Variants in NBPF26 observed in about 807,000 individuals in gnomAD.
The protein encoded by NBPF26 is NBPF member 26.
NBPF26 carries 79 observed loss-of-function variants against 119.6 expected under a neutral mutation model. The ratio of observed to expected loss-of-function variants is 0.66; its 90% CI spans 0.55 to 0.80. The LOEUF is 0.80. NBPF26 is among the 30% of genes least tolerant of loss of function. The pLI is 0.00. For synonymous variants in NBPF26, 299 were observed against 457.7 expected, an observed-to-expected ratio of 0.65 and a Z score of 4.43; for missense variants, 800 against 1,198.2, an observed-to-expected ratio of 0.67 and a Z score of 4.91.
chr1:120,838,490 T>TTCTCTC (rs1385960679), intron 27 of NBPF26, among the ~76,000 whole-genome samples: 5 of 55,478 alleles, frequency 9.0e-5, no homozygotes, highest in African/African-American at 1.6e-4. Context: ...ACTGAGCTCG[T>TTCTCTC]TCTCTCTCTC....
chr1:120,809,926 T>C (rs1553270755), intron 8 of NBPF26, 43 bp downstream of exon 8: 15 of 1,536,018 alleles, frequency 9.8e-6, no homozygotes, highest in Non-Finnish European at 1.3e-5. Context: ...TGGTAACATA[T>C]GAAAATGTCT....
exon 14 of NBPF26, chr1:120,816,823 T>C (rs1652017691): frequency 4.8e-6 from 7 of 1,447,286 alleles, no homozygotes; most frequent in Non-Finnish European, 6.5e-6. Context: ...TACACATTAT[T>C]CCAGGTAGCC....
At chr1:120,724,953 AGC>A (rs1650801899) in intron 1 of NBPF26, among the ~76,000 whole-genome samples, 1 of 62,644 alleles carries the variant, frequency 1.6e-5, no homozygotes, top group East Asian at 3.3e-4. Context: ...CGAGGCGCGG[AGC>A]TCTGCTGCTG....
intron 1 of NBPF26, among the ~76,000 whole-genome samples, chr1:120,756,296 C>A: frequency 8.6e-6 from 1 of 115,716 alleles, no homozygotes; most frequent in Middle Eastern, 3.8e-3. Context: ...CAGCAGCCAA[C>A]CACAGCCAAG....
chr1:120,823,753 T>TGTGTGTGC (rs1491452532), intron 17 of NBPF26, among the ~76,000 whole-genome samples: 132 of 9,904 alleles, frequency 0.013, 33 homozygotes, highest in African/African-American at 0.084. Context: ...GAGCTCGCTC[T>TGTGTGTGC]GTGTGTGTGT....
rs1325618010 is a variant in NBPF26, at chr1:120,805,318, G to A, written c.752-238G>A. On this transcript the variant is annotated intron_variant, in intron 4 of 29. Transcript: ENST00000620612. ...CTGCAGACGGTTACCTGGCACGCTG[G>A]CCACATTCTGCCTCACTCTTATCAG... 22 of 1,030,874 alleles carry A rather than the reference G, an allele frequency of 2.1e-5. 2 individuals carry two copies. Among genetic ancestry groups the A allele is most frequent in the Admixed American group, 1.2e-4 (5 of 43,286 alleles). The allele number at this position is 1,030,874 out of a possible 1,614,324, so 63.9% of individuals were successfully genotyped here. A position where few individuals can be genotyped will look rare whatever the true frequency, so the allele number is the denominator to read the frequency against.
In NBPF26 at chr1:120,802,723, TC is replaced by T. The variant is rs1314123356; in HGVS notation, c.752-2832del. On this transcript the variant is annotated intron_variant, in intron 4 of 29. Coordinates refer to ENST00000620612, the Ensembl canonical transcript of NBPF26. ...AAGTAAGGAAGTCTTATAAACCTAT[TC>T]TAGCCACCTAACTAGAAACTCGAAA... Among the ~76,000 whole-genome samples the T allele has an allele frequency of 3.9e-4, 47 of 119,304 alleles. 16 individuals carry two copies. Among genetic ancestry groups the T allele is most frequent in the African/African-American group, 2.1e-3 (45 of 21,054 alleles). The allele number at this position is 119,304 out of a possible 152,430, so 78.3% of individuals were successfully genotyped here.
In NBPF26 at chr1:120,737,839, G is replaced by A. The variant is rs1410570097; in HGVS notation, c.73+13589G>A. Among the ~76,000 whole-genome samples, 2 of 113,356 alleles carry A rather than the reference G, an allele frequency of 1.8e-5. 1 individual carries two copies. Among genetic ancestry groups the A allele is most frequent in the Non-Finnish European group, 3.5e-5 (2 of 57,076 alleles). The allele number at this position is 113,356 out of a possible 152,430, so 74.4% of individuals were successfully genotyped here. A position where few individuals can be genotyped will look rare whatever the true frequency, so the allele number is the denominator to read the frequency against. On this transcript the variant is annotated intron_variant, in intron 1 of 29. Coordinates refer to ENST00000620612, the Ensembl canonical transcript of NBPF26. The stretch of plus-strand genomic sequence containing the variant: ...ACAGTTTGCTTCTTCTCAAGTTTTG[G>A]CAGCCTTGAACAAGTGGTTGTCAGG...
At chr1:120,752,557 TTTTTTTTTTTTTTTTTTC>T (rs1651033980) in intron 1 of NBPF26, among the ~76,000 whole-genome samples, 1 of 21,094 alleles carries the variant, frequency 4.7e-5, no homozygotes, top group Non-Finnish European at 7.3e-5. Flanking sequence ...TATATATATT[TTTTTTTTTTTTTTTTTTC>T]TTTTTTTTTT....
intron 1 of NBPF26, among the ~76,000 whole-genome samples, chr1:120,759,543 G>GA (rs1651111803): frequency 2.3e-5 from 2 of 88,526 alleles, no homozygotes; most frequent in Non-Finnish European, 4.0e-5. Context: ...TTTTACATTG[G>GA]AAAAAAGTAA....
At chr1:120,810,143 C>A (rs1362437891) in intron 8 of NBPF26, among the ~76,000 whole-genome samples, 1 of 123,028 alleles carries the variant, frequency 8.1e-6, no homozygotes, top group Non-Finnish European at 1.6e-5. Context: ...TGAACACCAG[C>A]TGCTCTCTTC....
In NBPF26 at chr1:120,729,123, G is replaced by A. The variant is rs1215844508; in HGVS notation, c.73+4873G>A. Among the ~76,000 whole-genome samples the A allele has an allele frequency of 2.0e-4, 18 of 88,092 alleles. 2 individuals are homozygous for A. Among genetic ancestry groups the A allele is most frequent in the Non-Finnish European group, 1.0e-4 (5 of 49,696 alleles). 57.8% of individuals were successfully genotyped at this position (88,092 alleles called of 152,430 possible). A position where few individuals can be genotyped will look rare whatever the true frequency, so the allele number is the denominator to read the frequency against. On this transcript the variant is annotated intron_variant, in intron 1 of 29. Transcript: ENST00000620612. ...ATGGTGAGTTGGAGTGTGTTTCTAT[G>A]TTCTTTTTTCCTTTGAAGAGATAGG... is the stretch of plus-strand genomic sequence containing the variant.
rs1161836007 is a variant in NBPF26, at chr1:120,793,554, T to C, written c.751+58T>C. On this transcript the variant is annotated intron_variant, in intron 4 of 29. Coordinates refer to ENST00000620612, the Ensembl canonical transcript of NBPF26. ...GACAAACCCCTAGCACAGGAGGTAG[T>C]GGGTGTGGCTCAATTGCATTTTTTA... is the stretch of plus-strand genomic sequence containing the variant. 25 of 1,100,498 alleles carry C rather than the reference T, an allele frequency of 2.3e-5. 5 individuals are homozygous for C. Among genetic ancestry groups the C allele is most frequent in the African/African-American group, 9.5e-5 (3 of 31,582 alleles). The allele number at this position is 1,100,498 out of a possible 1,614,324, so 68.2% of individuals were successfully genotyped here.
At position 120,785,241 on chromosome 1, in the gene NBPF26, A is replaced by G. The variant is rs1651412763; in HGVS notation, c.415+8A>G. On this transcript the variant is annotated splice_region_variant and intron_variant, in intron 3 of 29. Coordinates refer to ENST00000620612, the Ensembl canonical transcript of NBPF26. ...GTCAAGTCGGGTTTACAGGTAACTA[A>G]TGAGACCAAAGCCAGTGCTTCCCTA... 2.0e-5 allele frequency: 29 copies of G among 1,444,294 alleles called. 7 individuals carry two copies. The Middle Eastern group carries it at 5.3e-4, about 26-fold the overall frequency. 89.5% of individuals were successfully genotyped at this position (1,444,294 alleles called of 1,614,324 possible).
intron 17 of NBPF26, among the ~76,000 whole-genome samples, chr1:120,823,752 CTGTGTGTGTGTG>C (rs1177031452): frequency 0.033 from 2,398 of 73,368 alleles, 550 homozygotes; most frequent in African/African-American, 0.13. Flanking sequence ...TGAGCTCGCT[CTGTGTGTGTGTG>C]TGTGTGTGTG....
chr1:120,784,129 A>ACCTCTTTT (rs1651396013), intron 2 of NBPF26, among the ~76,000 whole-genome samples: 2 of 118,266 alleles, frequency 1.7e-5, no homozygotes, highest in Non-Finnish European at 3.3e-5. Context: ...GTGTGGGTTA[A>ACCTCTTTT]AAGAGACTTG....
At chr1:120,768,990 TTATAAAA>T in intron 2 of NBPF26, among the ~76,000 whole-genome samples, 1 of 110,182 alleles carries the variant, frequency 9.1e-6, no homozygotes, top group South Asian at 2.8e-4. Context: ...ATATAAAGTG[TTATAAAA>T]TATAACTTTG....
intron 1 of NBPF26, among the ~76,000 whole-genome samples, chr1:120,727,349 C>T (rs1650826887): frequency 1.8e-5 from 2 of 111,792 alleles, no homozygotes; most frequent in South Asian, 5.3e-4. Flanking sequence ...AAGAAATTTC[C>T]ATAACAAATG....
chr1:120,763,688 A>T lies in NBPF26; in HGVS notation c.134A>T (p.His45Leu), dbSNP rs1318875986. 7.9e-6 allele frequency: 11 copies of T among 1,394,486 alleles called. 3 individuals carry two copies. Among genetic ancestry groups the T allele is most frequent in the Non-Finnish European group, 6.7e-6 (7 of 1,037,742 alleles). The allele number at this position is 1,394,486 out of a possible 1,614,324, so 86.4% of individuals were successfully genotyped here. The change falls in exon 2 of 30, where the codon CAC becomes CTC. Residue 45 changes from histidine to leucine, a missense_variant. Coordinates refer to ENST00000620612, the Ensembl canonical transcript of NBPF26. ...AATAAAGGAATGTGTGTTACCTACC[A>T]CAGTGGCACAGGATACTGCAAGTAA...
Sources: allele counts gnomAD v4.1 joint callset (sites outside exome capture counted in the v4.1 genomes callset), GRCh38; gene constraint gnomAD v4.1.1; transcripts MANE v1.5; gene names NCBI Gene and HGNC (gene_info 2026-07-23, HGNC 2026-07-21).